The following AK8 variants were observed in gnomAD, a reference collection of about 807,000 sequenced individuals.
AK8 encodes adenylate kinase 8.
AK8 carries 44 observed loss-of-function variants against 54.6 expected under a neutral mutation model. The observed-to-expected ratio is 0.81, with a 90% CI of 0.63 to 1.04. AK8 has a LOEUF of 1.04. AK8 is among the 50% of genes least tolerant of loss of function. AK8 has a pLI of 0.00. For missense variants in AK8, 555 were observed against 613.6 expected, an observed-to-expected ratio of 0.90 and a Z score of 1.01; for synonymous variants, 239 against 245.6, an observed-to-expected ratio of 0.97 and a Z score of 0.25.
At position 132,837,691 on chromosome 9, in the gene AK8, T is replaced by C. The variant is rs1235749290; in HGVS notation, c.403-8965A>G. ...CCACATGGAGTGCTACGGCTCTGTA[T>C]GCAGACACATGATCCACACGTGCCC... On this transcript the variant is annotated intron_variant, in intron 5 of 12. Transcript: ENST00000298545. The surrounding 1 kb of genome is among the most constrained non-coding windows in gnomAD (Gnocchi z 4.3). 6.6e-6 allele frequency among the ~76,000 whole-genome samples: 1 copy of C among 152,124 alleles called. No individual in the cohort carries two copies. The highest frequency in any genetic ancestry group is 1.5e-5 in the Non-Finnish European group (1 of 68,024).
At chr9:132,855,889 A>C (rs1843155185) in intron 4 of AK8, among the ~76,000 whole-genome samples, 1 of 151,822 alleles carries the variant, frequency 6.6e-6, no homozygotes, top group Admixed American at 6.6e-5. Flanking sequence ...GGTGTGCTCA[A>C]CTCTATCCTC....
chr9:132,802,062 C>A (rs1286797348), intron 10 of AK8, among the ~76,000 whole-genome samples: 1 of 152,180 alleles, frequency 6.6e-6, no homozygotes, highest in African/African-American at 2.4e-5. Flanking sequence ...CTCATTTTAC[C>A]TCCTAGCCAA....
rs1311915974 is a variant in AK8, at chr9:132,770,769, C to T, written c.1121+21865G>A. Among the ~76,000 whole-genome samples, 3 of 152,194 alleles carry T rather than the reference C, an allele frequency of 2.0e-5. No homozygotes were observed. Among genetic ancestry groups the T allele is most frequent in the Non-Finnish European group, 2.9e-5 (2 of 68,020 alleles). On this transcript the variant is annotated intron_variant, in intron 11 of 12. Transcript: ENST00000298545. This position sits in a 1 kb window ranked among gnomAD's most constrained non-coding sequence, Gnocchi z 4.3. ...GTCTTGCTCCCTGTTGACCCCCATT[C>T]CCCCTCCCCTGGATCCAGGAACCCA... is the stretch of plus-strand genomic sequence containing the variant.
chr9:132,762,407 A>C (rs1838521797), intron 11 of AK8, among the ~76,000 whole-genome samples: 1 of 152,100 alleles, frequency 6.6e-6, no homozygotes, highest in Non-Finnish European at 1.5e-5. Context: ...ATGTTCCTTC[A>C]ATGTGTGACT....
In AK8 at chr9:132,792,641, G is replaced by A. The variant is rs779035517; in HGVS notation, c.1114C>T (p.Pro372Ser). Reference protein sequence around the residue: ...AHLLNRLGYNPNRVFFLNVPF... With the variant: ...AHLLNRLGYNSNRVFFLNVPF... ...TTGGCTGGGGCAGCTCACCTGTTGG[G>A]ATTGTAGCCCAGGCGGTTCAGCAGG... is the stretch of plus-strand genomic sequence containing the variant. Residue 372 changes from proline (P) to serine (S), a missense_variant, in exon 11 of 13, where the codon CCC becomes TCC. By Grantham distance (74) the Pro-to-Ser change is moderately conservative. Coordinates refer to ENST00000298545, the MANE Select transcript of AK8 (RefSeq NM_152572.3). The A allele has an allele frequency of 3.9e-6, 6 of 1,552,972 alleles. No homozygotes were observed. Among genetic ancestry groups the A allele is most frequent in the Non-Finnish European group, 3.5e-6 (4 of 1,148,854 alleles).
intron 5 of AK8, among the ~76,000 whole-genome samples, chr9:132,841,350 T>A (rs1427441869): frequency 1.3e-5 from 2 of 152,352 alleles, no homozygotes; most frequent in African/African-American, 2.4e-5. Flanking sequence ...TGCCTTTTGA[T>A]GAATAATAAA....
intron 11 of AK8, among the ~76,000 whole-genome samples, chr9:132,782,661 C>A (rs545926669): frequency 6.6e-6 from 1 of 152,056 alleles, no homozygotes; most frequent in East Asian, 1.9e-4. Context: ...TGCACTCCAG[C>A]CTGGGCAACA....
At position 132,814,314 on chromosome 9, in the gene AK8, T is replaced by C. The variant is rs1225204509; in HGVS notation, c.979+324A>G. Among the ~76,000 whole-genome samples, 3 of 139,022 alleles carry C rather than the reference T, an allele frequency of 2.2e-5. No individual in the cohort carries two copies. The East Asian group carries it at 6.1e-4, about 28-fold the overall frequency. The allele number at this position is 139,022 out of a possible 152,430, so 91.2% of individuals were successfully genotyped here. A position where few individuals can be genotyped will look rare whatever the true frequency, so the allele number is the denominator to read the frequency against. ...AAAAAAAAAAAAAAAAAAAAGGATG[T>C]GGGGAGGTCTGTGGCCTCTCCTGGC... is the stretch of plus-strand genomic sequence containing the variant. On this transcript the variant is annotated intron_variant, in intron 10 of 12. Transcript: ENST00000298545.
chr9:132,843,508 T>G (rs760819843), intron 5 of AK8, among the ~76,000 whole-genome samples: 4 of 152,150 alleles, frequency 2.6e-5, no homozygotes, highest in Admixed American at 6.5e-5. Flanking sequence ...AAGAATGGCC[T>G]AATGCAATTA....
At position 132,727,514 on chromosome 9, in the gene AK8, G is replaced by A. The variant is rs145583710; in HGVS notation, c.1142C>T (p.Pro381Leu). 1.5e-5 allele frequency: 25 copies of A among 1,613,720 alleles called. No homozygotes were observed. Among genetic ancestry groups the A allele is most frequent in the Non-Finnish European group, 2.0e-5 (24 of 1,179,874 alleles). The change falls in exon 12 of 13, where the codon CCA becomes CTA. Residue 381 changes from proline to leucine, a missense_variant. Transcript: ENST00000298545. ...CAGCCGCTCCATGATGGAATCAAAT[G>A]GCACATTCAGGAAAAACACCCTATA... ...NPNRVFFLNV[P>L]FDSIMERLTL...
intron 9 of AK8, among the ~76,000 whole-genome samples, chr9:132,820,857 G>A (rs546474440): frequency 1.3e-5 from 2 of 152,198 alleles, no homozygotes; most frequent in Non-Finnish European, 2.9e-5. Context: ...GTTCAGACAC[G>A]CATTTGCAGA....
chr9:132,827,679 G>C (rs563624791), intron 7 of AK8, among the ~76,000 whole-genome samples: 26 of 152,332 alleles, frequency 1.7e-4, no homozygotes, highest in African/African-American at 6.0e-4. Flanking sequence ...GGGGTGTCAA[G>C]GGGGCACATA....
At chr9:132,829,599 TAA>T (rs35603781) in intron 5 of AK8, among the ~76,000 whole-genome samples, 1 of 148,366 alleles carries the variant, frequency 6.7e-6, no homozygotes, top group African/African-American at 2.5e-5. Flanking sequence ...CCATTTTTCT[TAA>T]AAAAAAAAAC....
intron 5 of AK8, among the ~76,000 whole-genome samples, chr9:132,833,299 T>C (rs1842181470): frequency 6.6e-6 from 1 of 152,186 alleles, no homozygotes; most frequent in South Asian, 2.1e-4. Context: ...GGGAGGACTT[T>C]AATGGCTACA....
chr9:132,823,131 G>A (rs1193657460), intron 9 of AK8, 74 bp downstream of exon 9: 5 of 1,473,250 alleles, frequency 3.4e-6, no homozygotes, highest in Admixed American at 2.5e-5. Context: ...CCCATAAAAT[G>A]AGAGCTGGGG....
At chr9:132,814,250 GTC>G (rs1841210205) in intron 10 of AK8, among the ~76,000 whole-genome samples, 1 of 116,152 alleles carries the variant, frequency 8.6e-6, no homozygotes, top group Non-Finnish European at 1.6e-5. Context: ...CTGCACTCCA[GTC>G]TGAGTGACAG....
intron 5 of AK8, among the ~76,000 whole-genome samples, chr9:132,848,115 CA>C (rs796764891): frequency 1.5e-3 from 79 of 52,546 alleles, no homozygotes; most frequent in Middle Eastern, 0.013. Flanking sequence ...CACCCTGTTT[CA>C]AAAAAAAAAA....
chr9:132,789,062 G>A (rs1263770803), intron 11 of AK8, among the ~76,000 whole-genome samples: 4 of 152,184 alleles, frequency 2.6e-5, no homozygotes, highest in Admixed American at 6.5e-5. Flanking sequence ...TTGGGAGGCC[G>A]AGGTGGGTGG....
intron 11 of AK8, among the ~76,000 whole-genome samples, chr9:132,767,947 G>T (rs962044819): frequency 5.9e-5 from 9 of 152,174 alleles, no homozygotes; most frequent in Admixed American, 4.6e-4. Flanking sequence ...GTTACCAGAG[G>T]CTGGGAGGGG....
Sources: allele counts gnomAD v4.1 joint callset (sites outside exome capture counted in the v4.1 genomes callset), GRCh38; gene constraint gnomAD v4.1.1; non-coding constraint Gnocchi (gnomAD v3.1); transcripts MANE v1.5; gene names NCBI Gene and HGNC (gene_info 2026-07-23, HGNC 2026-07-21).